The following CDH1 variants were observed in gnomAD, a reference collection of about 807,000 sequenced individuals.
CDH1 encodes cadherin 1, also known as cadherin-1.
Under a neutral mutation model 84.5 loss-of-function variants are expected in CDH1, and 35 were observed. That is an observed-to-expected ratio of 0.41 (90% CI 0.32 to 0.55). The LOEUF (loss-of-function observed/expected upper bound fraction) is 0.55. CDH1 is among the 20% of genes least tolerant of loss of function. The pLI, the probability that CDH1 is intolerant of heterozygous loss-of-function variation, is 0.19. For synonymous variants in CDH1, 417 were observed against 439.0 expected (o/e 0.95, Z 0.63); for missense variants, 994 against 1,126.6 (o/e 0.88, Z 1.68).
intron 2 of CDH1, among the ~76,000 whole-genome samples, chr16:68,787,364 A>G (rs973329929): frequency 6.6e-6 from 1 of 152,200 alleles, no homozygotes; most frequent in African/African-American, 2.4e-5. Flanking sequence ...TCAGTTGCTC[A>G]TCAGCATTAA....
intron 2 of CDH1, 131 bp from the exon 3 acceptor site, chr16:68,801,539 C>T: frequency 1.3e-6 from 1 of 779,064 alleles, no homozygotes; most frequent in Admixed American, 1.8e-5. Context: ...GTTGTTCTGT[C>T]ACCAGATTAT....
intron 7 of CDH1, 92 bp from the exon 8 acceptor site, chr16:68,812,043 G>T (rs2152132336): frequency 6.3e-7 from 1 of 1,591,204 alleles, no homozygotes; most frequent in Non-Finnish European, 8.6e-7. Flanking sequence ...GAAGCACATG[G>T]TTAAATATTC....
Position 68,833,927 on chromosome 16 carries a change from TCTG to T in CDH1, c.*431_*433del, listed in dbSNP as rs1256970198. 1 of 343,550 alleles carries T rather than the reference TCTG, an allele frequency of 2.9e-6. No homozygotes were observed. Among genetic ancestry groups the T allele is most frequent in the Non-Finnish European group, 5.4e-6 (1 of 185,094 alleles). The allele number at this position is 343,550 out of a possible 1,614,324, so 21.3% of individuals were successfully genotyped here. On this transcript the variant is annotated 3_prime_UTR_variant, in exon 16 of 16. Transcript: ENST00000261769. ...ATTTTTTAAAAAAAATTTGTGTGCT[TCTG>T]CTCATTACTACACTGGTGTGTCCCT...
chr16:68,743,117 T>C lies in CDH1; in HGVS notation c.163+4706T>C, dbSNP rs554313313. Among the ~76,000 whole-genome samples, 9 of 152,336 alleles carry C rather than the reference T, an allele frequency of 5.9e-5. No individual in the cohort carries two copies. In the South Asian group the frequency reaches 1.0e-3, roughly 18 times the overall value. On this transcript the variant is annotated intron_variant, in intron 2 of 15. Coordinates refer to ENST00000261769, the MANE Select transcript of CDH1 (RefSeq NM_004360.5). ...CCTGTTTGCTCTCCAGGGCTTTTTA[T>C]TGGGTGAGGCTTTTCTTCCAAAATG...
rs1567470707 is a variant in CDH1 at position 68,737,414 on chromosome 16, C to T, written c.-2C>T. Reference sequence around the variant, plus strand: ...GCCCTCGCTCGGCGTCCCCGGCCAGCCATGGGCCCTTGGAGCCGCAGCCTC... The same window carrying T: ...GCCCTCGCTCGGCGTCCCCGGCCAGTCATGGGCCCTTGGAGCCGCAGCCTC... On this transcript the variant is annotated 5_prime_UTR_variant, in exon 1 of 16. Transcript: ENST00000261769. The T allele has an allele frequency of 6.5e-7, 1 of 1,533,250 alleles. No individual in the cohort carries two copies. Among genetic ancestry groups the T allele is most frequent in the Non-Finnish European group, 8.7e-7 (1 of 1,146,296 alleles). 95.0% of individuals were successfully genotyped at this position (1,533,250 alleles called of 1,614,324 possible). A position where few individuals can be genotyped will look rare whatever the true frequency, so the allele number is the denominator to read the frequency against.
In CDH1 at chr16:68,833,277, CCTT is replaced by C. The variant is rs587782757; in HGVS notation, c.2440-6_2440-4del. The C allele has an allele frequency of 3.5e-5, 56 of 1,611,252 alleles. No individual in the cohort carries two copies. The highest frequency in any genetic ancestry group is 4.5e-5 in the Non-Finnish European group (53 of 1,177,556). On this transcript the variant is annotated splice_polypyrimidine_tract_variant and intron_variant, in intron 15 of 15. Coordinates refer to ENST00000261769, the MANE Select transcript of CDH1 (RefSeq NM_004360.5). Reference sequence around the variant, plus strand: ...CCTTTCACTAAAAGATGCTTTTGTCCCTTCTTCTTTAGAATCTGAAAGCGGCTG... The same window carrying C: ...CCTTTCACTAAAAGATGCTTTTGTCCCTTCTTTAGAATCTGAAAGCGGCTG...
At chr16:68,813,601 A>C (rs1960905857) in intron 9 of CDH1, 106 bp downstream of exon 9, 1 of 1,128,282 alleles carries the variant, frequency 8.9e-7, no homozygotes, top group Non-Finnish European at 1.4e-6. Flanking sequence ...GCAGGGGGAC[A>C]GGGTGACTTT....
intron 2 of CDH1, among the ~76,000 whole-genome samples, chr16:68,747,888 C>T (rs1271663608): frequency 1.3e-5 from 2 of 151,150 alleles, no homozygotes; most frequent in Non-Finnish European, 2.9e-5. Context: ...CTCAGTCTCC[C>T]GAGTAGCTGA....
chr16:68,826,992 C>T (rs1961337807), intron 13 of CDH1, among the ~76,000 whole-genome samples: 2 of 152,060 alleles, frequency 1.3e-5, no homozygotes, highest in Admixed American at 6.6e-5. Context: ...ATGCTTCGGC[C>T]GGGCGTGGTG....
chr16:68,787,653 T>TGTTTG (rs1418500910), intron 2 of CDH1, among the ~76,000 whole-genome samples: 3 of 151,264 alleles, frequency 2.0e-5, no homozygotes, highest in African/African-American at 4.9e-5. Context: ...CTATAACTAT[T>TGTTTG]GTTTTGTTTT....
chr16:68,740,936 A>T (rs969711800), intron 2 of CDH1, among the ~76,000 whole-genome samples: 2 of 151,840 alleles, frequency 1.3e-5, no homozygotes, highest in Non-Finnish European at 2.9e-5. Flanking sequence ...TTTCACCTCA[A>T]TAACCTGAAA....
At chr16:68,748,279 A>G (rs1962801566) in intron 2 of CDH1, among the ~76,000 whole-genome samples, 1 of 150,270 alleles carries the variant, frequency 6.7e-6, no homozygotes, top group African/African-American at 2.4e-5. Flanking sequence ...CACCTGGCTA[A>G]CTTTGTTTCT....
chr16:68,803,082 T>TGGG (rs1319106083), intron 3 of CDH1, among the ~76,000 whole-genome samples: 1 of 152,170 alleles, frequency 6.6e-6, no homozygotes, highest in African/African-American at 2.4e-5. Flanking sequence ...AATGTCTCTC[T>TGGG]GGGGGATATT....
At chr16:68,741,424 G>A (rs1380312433) in intron 2 of CDH1, among the ~76,000 whole-genome samples, 1 of 152,120 alleles carries the variant, frequency 6.6e-6, no homozygotes, top group Non-Finnish European at 1.5e-5. Flanking sequence ...TGTAACATTG[G>A]CACCAGGTTT....
chr16:68,818,864 A>AG (rs1359595746), intron 10 of CDH1, among the ~76,000 whole-genome samples: 12 of 150,940 alleles, frequency 8.0e-5, no homozygotes, highest in African/African-American at 2.9e-4. Context: ...AAAAAAAAAA[A>AG]AAAAAAGAAA....
chr16:68,812,099 C>T (rs2152132418), intron 7 of CDH1, 36 bp from the exon 8 acceptor site: 2 of 1,613,804 alleles, frequency 1.2e-6, no homozygotes, highest in Admixed American at 1.7e-5. Context: ...GGCTAGTGTT[C>T]CTGGTCCTGA....
chr16:68,830,617 A>T (rs1327473382), intron 15 of CDH1, among the ~76,000 whole-genome samples: 1 of 152,180 alleles, frequency 6.6e-6, no homozygotes, highest in East Asian at 1.9e-4. Flanking sequence ...AGGCCAGTGC[A>T]TCAGGCTGTT....
At chr16:68,768,921 C>T (rs1567486456) in intron 2 of CDH1, among the ~76,000 whole-genome samples, 2 of 152,216 alleles carry the variant, frequency 1.3e-5, no homozygotes, top group Admixed American at 6.5e-5. Flanking sequence ...AGCACCCTTC[C>T]CCCAGGCATC....
At chr16:68,761,933 A>G (rs1312111598) in intron 2 of CDH1, among the ~76,000 whole-genome samples, 3 of 151,652 alleles carry the variant, frequency 2.0e-5, no homozygotes, top group Admixed American at 6.6e-5. Context: ...TTCACTTGGG[A>G]CTCCTCTGGT....
Sources: gnomAD v4.1 joint callset for allele counts (sites outside exome capture counted in the v4.1 genomes callset) on GRCh38, gnomAD v4.1.1 for gene constraint, MANE v1.5 for transcripts, NCBI Gene and HGNC (gene_info 2026-07-23, HGNC 2026-07-21) for gene names.